Variants in DGKD observed in about 807,000 individuals in gnomAD.
DGKD encodes the protein diacylglycerol kinase delta.
A neutral mutation model predicts 154.4 loss-of-function variants in DGKD; 68 were observed. The observed-to-expected ratio is 0.44, with a 90% CI of 0.36 to 0.54. The LOEUF (loss-of-function observed/expected upper bound fraction) is 0.54, where lower values mean the gene tolerates loss of function less well. Among genes scored for constraint, DGKD ranks in the 20% least tolerant of loss-of-function variants. The pLI, the probability that DGKD is intolerant of heterozygous loss-of-function variation, is 0.00. For missense variants in DGKD, 1,343 were observed against 1,593.6 expected, an observed-to-expected ratio of 0.84 and a Z score of 2.68; for synonymous variants, 693 against 638.0, an observed-to-expected ratio of 1.09 and a Z score of -1.30.
chr2:233,425,171 G>C (rs1238287302), intron 3 of DGKD, among the ~76,000 whole-genome samples: 1 of 151,068 alleles, frequency 6.6e-6, no homozygotes, highest in East Asian at 1.9e-4. Flanking sequence ...ACATATAAAC[G>C]TAAGACTTTA....
chr2:233,406,654 GTAA>G (rs920258676), intron 3 of DGKD, among the ~76,000 whole-genome samples: 34 of 152,304 alleles, frequency 2.2e-4, no homozygotes, highest in African/African-American at 8.2e-4. Context: ...GGTTTCCACT[GTAA>G]TCATAAGTAT....
intron 16 of DGKD, among the ~76,000 whole-genome samples, chr2:233,450,651 G>A (rs73995970): frequency 0.031 from 4,646 of 152,132 alleles, 231 homozygotes; most frequent in African/African-American, 0.11. Context: ...TGTGTGCTCC[G>A]CCTCCCACAG....
In DGKD at chr2:233,458,355, C is replaced by T. The variant is rs562338189; in HGVS notation, c.2652C>T (p.Ala884=). The change falls in exon 22 of 30, where the codon GCC becomes GCT. Residue 884 remains alanine, a synonymous_variant. Coordinates refer to ENST00000264057, the MANE Select transcript of DGKD (RefSeq NM_152879.3). This position sits in a 1 kb window ranked among gnomAD's most constrained non-coding sequence, Gnocchi z 6.6. ...VVAVFGSMQM[A]VSRVIRLQHH... ...CCGTGTTCGGCAGCATGCAGATGGC[C>T]GTCTCTCGAGTCATCAGGCTACAGC... The T allele has an allele frequency of 5.0e-6, 8 of 1,611,904 alleles. No homozygotes were observed. Among genetic ancestry groups the T allele is most frequent in the South Asian group, 2.2e-5 (2 of 91,050 alleles).
chr2:233,451,113 TGAAA>T, intron 17 of DGKD, 63 bp downstream of exon 17: 1 of 1,543,982 alleles, frequency 6.5e-7, no homozygotes, highest in Non-Finnish European at 8.8e-7. Flanking sequence ...CCCGTCAAAC[TGAAA>T]GAGATGGGCT....
chr2:233,435,734 T>C (rs2062669330), intron 5 of DGKD, 84 bp from the exon 6 acceptor site: 1 of 1,301,606 alleles, frequency 7.7e-7, no homozygotes, highest in Admixed American at 2.7e-5. Flanking sequence ...TTTCTGGAGC[T>C]GGACGGTTCT....
In DGKD at chr2:233,459,039, C is replaced by G. The variant is rs149203467; in HGVS notation, c.2694+642C>G. 0.01 allele frequency among the ~76,000 whole-genome samples: 1,556 copies of G among 152,350 alleles called. 17 individuals carry two copies. The highest frequency in any genetic ancestry group is 0.028 in the East Asian group (146 of 5,184). On this transcript the variant is annotated intron_variant, in intron 22 of 29. Coordinates refer to ENST00000264057, the MANE Select transcript of DGKD (RefSeq NM_152879.3). The surrounding 1 kb of genome is among the most constrained non-coding windows in gnomAD (Gnocchi z 5.7). ...CGCAGTGGGGACGGAGCCCATGGCT[C>G]TGATGTGGGGTGTGGGAGGATTTCC... is the stretch of plus-strand genomic sequence containing the variant.
intron 6 of DGKD, 31 bp from the exon 7 acceptor site, chr2:233,436,285 G>A (rs752121763): frequency 2.2e-5 from 35 of 1,613,574 alleles, no homozygotes; most frequent in Admixed American, 3.3e-5. Flanking sequence ...CCTTGGGAGC[G>A]TCCCTAGTGC....
chr2:233,405,517 TA>T (rs1185414508), intron 3 of DGKD, among the ~76,000 whole-genome samples: 455 of 126,776 alleles, frequency 3.6e-3, no homozygotes, highest in Middle Eastern at 4.1e-3. Context: ...AAACTCTGTC[TA>T]AAAAAAAAAA....
intron 3 of DGKD, among the ~76,000 whole-genome samples, chr2:233,424,757 T>C (rs976549491): frequency 6.6e-6 from 1 of 152,196 alleles, no homozygotes; most frequent in African/African-American, 2.4e-5. Context: ...TTCGTCAGGT[T>C]GTGGAGAAGC....
intron 1 of DGKD, among the ~76,000 whole-genome samples, chr2:233,385,471 A>G (rs1237492980): frequency 6.6e-6 from 1 of 151,990 alleles, no homozygotes; most frequent in Non-Finnish European, 1.5e-5. Flanking sequence ...TTTGTCTCTG[A>G]TTGGAATAAG....
chr2:233,398,511 C>T (rs1045858278), intron 3 of DGKD, among the ~76,000 whole-genome samples: 1 of 152,076 alleles, frequency 6.6e-6, no homozygotes, highest in Non-Finnish European at 1.5e-5. Flanking sequence ...AAAGATTTTC[C>T]TTTGATCTTC....
At position 233,377,351 on chromosome 2, in the gene DGKD, T is replaced by G. The variant is rs374742864; in HGVS notation, c.157-10906T>G. On this transcript the variant is annotated intron_variant, in intron 1 of 29. Transcript: ENST00000264057. ...CACCCGCTTCGGCCTCCCAAAGTGC[T>G]GGGATTACAGGCGTGAGCCACTGCG... 4.1e-4 allele frequency among the ~76,000 whole-genome samples: 62 copies of G among 152,350 alleles called. No homozygotes were observed. The East Asian group carries it at 6.9e-3, about 17-fold the overall frequency.
intron 1 of DGKD, among the ~76,000 whole-genome samples, chr2:233,384,319 G>A (rs1050437089): frequency 1.3e-5 from 2 of 152,050 alleles, no homozygotes; most frequent in Admixed American, 6.6e-5. Context: ...GCTCTCCTCC[G>A]CTTCTGCCCA....
At position 233,401,126 on chromosome 2, in the gene DGKD, A is replaced by C. The variant is rs1215143367; in HGVS notation, c.348+10643A>C. On this transcript the variant is annotated intron_variant, in intron 3 of 29. Coordinates refer to ENST00000264057, the MANE Select transcript of DGKD (RefSeq NM_152879.3). ...TGTGAATCCTAGCTCAGCTTCTTCC[A>C]AGCAGATGACTGGGGGCGAGTCACA... Among the ~76,000 whole-genome samples the C allele has an allele frequency of 2.0e-5, 3 of 151,852 alleles. 1 individual carries two copies. Among genetic ancestry groups the C allele is most frequent in the Admixed American group, 2.0e-4 (3 of 15,232 alleles).
rs749367696 is a variant in DGKD at position 233,458,441 on chromosome 2, G to A, written c.2694+44G>A. On this transcript the variant is annotated intron_variant, in intron 22 of 29. Transcript: ENST00000264057. The surrounding 1 kb of genome is among the most constrained non-coding windows in gnomAD (Gnocchi z 6.6). Reference sequence around the variant, plus strand: ...GGGTGTCTGGCCGAGTCCCCAGCCCGGAGTGTGCTAAATTCTGGGGCAGTG... The same window carrying A: ...GGGTGTCTGGCCGAGTCCCCAGCCCAGAGTGTGCTAAATTCTGGGGCAGTG... 49 of 1,488,824 alleles carry A rather than the reference G, an allele frequency of 3.3e-5. No homozygotes were observed. Among genetic ancestry groups the A allele is most frequent in the Non-Finnish European group, 4.3e-5 (47 of 1,084,128 alleles). The allele number at this position is 1,488,824 out of a possible 1,614,324, so 92.2% of individuals were successfully genotyped here. A position where few individuals can be genotyped will look rare whatever the true frequency, so the allele number is the denominator to read the frequency against.
chr2:233,447,380 T>G, intron 12 of DGKD: 1 of 623,048 alleles, frequency 1.6e-6, no homozygotes, highest in Non-Finnish European at 2.0e-6. Flanking sequence ...CAGTGCTGGG[T>G]GGGGTAGTAC....
At chr2:233,422,017 G>A (rs1007888871) in intron 3 of DGKD, among the ~76,000 whole-genome samples, 1 of 152,216 alleles carries the variant, frequency 6.6e-6, no homozygotes, top group African/African-American at 2.4e-5. Context: ...TCTCTGGGAG[G>A]CAGTGGCAGA....
chr2:233,388,574 CCTTTT>C (rs1301508169), intron 2 of DGKD: 4 of 477,718 alleles, frequency 8.4e-6, no homozygotes, highest in African/African-American at 5.9e-5. Flanking sequence ...TGTTCATTTT[CCTTTT>C]CTTTAATGTC....
intron 3 of DGKD, among the ~76,000 whole-genome samples, chr2:233,398,519 T>C (rs1348866841): frequency 6.6e-6 from 1 of 152,236 alleles, no homozygotes; most frequent in Non-Finnish European, 1.5e-5. Context: ...TCCTTTGATC[T>C]TCTCCATTTT....
Sources: gnomAD v4.1 joint callset for allele counts (sites outside exome capture counted in the v4.1 genomes callset) on GRCh38, gnomAD v4.1.1 for gene constraint, Gnocchi (gnomAD v3.1) non-coding constraint, MANE v1.5 for transcripts, NCBI Gene and HGNC (gene_info 2026-07-23, HGNC 2026-07-21) for gene names.